PCDHA3: variants seen among roughly 807,000 people sequenced by gnomAD.
PCDHA3 encodes protocadherin alpha 3.
In PCDHA3, 41 loss-of-function variants were observed where a neutral mutation model predicts 62.2. That is an observed-to-expected ratio of 0.66 (90% CI 0.51 to 0.86). The LOEUF is 0.86. PCDHA3 is among the 40% of genes least tolerant of loss of function. PCDHA3 has a pLI of 0.00. For synonymous variants in PCDHA3, 640 were observed against 555.4 expected, an observed-to-expected ratio of 1.15 and a Z score of -2.14; for missense variants, 1,304 against 1,241.2, an observed-to-expected ratio of 1.05 and a Z score of -0.76.
intron 1 of PCDHA3, among the ~76,000 whole-genome samples, chr5:140,898,789 C>T (rs1424905656): frequency 6.6e-6 from 1 of 152,162 alleles, no homozygotes; most frequent in Non-Finnish European, 1.5e-5. Context: ...GCAGTATGGC[C>T]ATTTTCACGA....
At chr5:140,996,968 C>G (rs1290343779) in intron 3 of PCDHA3, among the ~76,000 whole-genome samples, 1 of 152,132 alleles carries the variant, frequency 6.6e-6, no homozygotes, top group Non-Finnish European at 1.5e-5. Context: ...CAATCCCACT[C>G]CCCTTTGGTG....
intron 1 of PCDHA3, among the ~76,000 whole-genome samples, chr5:140,960,371 T>A (rs2095543916): frequency 6.6e-6 from 1 of 152,196 alleles, no homozygotes; most frequent in Non-Finnish European, 1.5e-5. Context: ...TGCCAACTCT[T>A]AAGTGCCAAG....
At chr5:140,883,615 C>A in intron 1 of PCDHA3, 2 of 1,613,938 alleles carry the variant, frequency 1.2e-6, no homozygotes, top group East Asian at 2.2e-5. Flanking sequence ...CCGACGTGAA[C>A]GACAACGCGC....
intron 1 of PCDHA3, chr5:140,824,611 T>TG (rs1768217259): frequency 5.0e-5 from 1 of 19,836 alleles, no homozygotes; most frequent in Non-Finnish European, 1.2e-4. Context: ...CTAATTAAAG[T>TG]TTTTTTTTTT....
chr5:140,843,064 G>T (rs2150351494), intron 1 of PCDHA3: 2 of 1,595,268 alleles, frequency 1.3e-6, no homozygotes, highest in Non-Finnish European at 1.7e-6. Context: ...GCAAGCTGGT[G>T]CCGCGGTCTG....
In PCDHA3 at chr5:140,851,944, C is replaced by G; in HGVS notation, c.2394+48353C>G. The G allele has an allele frequency of 1.7e-5, 16 of 969,410 alleles. 1 individual carries two copies. Among genetic ancestry groups the G allele is most frequent in the Non-Finnish European group, 2.0e-5 (16 of 802,504 alleles). The allele number at this position is 969,410 out of a possible 1,614,324, so 60.1% of individuals were successfully genotyped here. A position where few individuals can be genotyped will look rare whatever the true frequency, so the allele number is the denominator to read the frequency against. On this transcript the variant is annotated intron_variant, in intron 1 of 3. Transcript: ENST00000522353. ...ATGTTTCCTGAATTGTAGTATGTGA[C>G]TTTCAAAATGGTGGTTTTCCACACT...
chr5:140,895,968 G>T lies in PCDHA3; in HGVS notation c.2395-82981G>T, dbSNP rs190056652. 4.1e-3 allele frequency among the ~76,000 whole-genome samples: 628 copies of T among 152,052 alleles called. 2 individuals are homozygous for T. Among genetic ancestry groups the T allele is most frequent in the Middle Eastern group, 6.8e-3 (2 of 294 alleles). On this transcript the variant is annotated intron_variant, in intron 1 of 3. Coordinates refer to ENST00000522353, the MANE Select transcript of PCDHA3 (RefSeq NM_018906.3). ...TGGGATTACAGGTGCCTGTCACCAG[G>T]CCTAGCTAATTTTTGTATTTTAAGT... is the stretch of plus-strand genomic sequence containing the variant.
intron 1 of PCDHA3, chr5:140,858,217 G>A: frequency 1.3e-6 from 2 of 1,595,954 alleles, no homozygotes; most frequent in Non-Finnish European, 1.7e-6. Flanking sequence ...GGTGCTCGGC[G>A]GCGCCCACCG....
Position 140,829,875 on chromosome 5 carries a change from G to A in PCDHA3, c.2394+26284G>A, listed in dbSNP as rs2150176769. 2.5e-6 allele frequency: 4 copies of A among 1,613,828 alleles called. No homozygotes were observed. Among genetic ancestry groups the A allele is most frequent in the Admixed American group, 3.3e-5 (2 of 59,996 alleles). On this transcript the variant is annotated intron_variant, in intron 1 of 3. Transcript: ENST00000522353. ...GCAGGCCAAGTGGTGGCGAAGGTGC[G>A]CGCAGTTGACGCCGACTCAGGCTAC...
At chr5:140,984,295 A>C (rs1195087908) in intron 3 of PCDHA3, among the ~76,000 whole-genome samples, 3 of 152,208 alleles carry the variant, frequency 2.0e-5, no homozygotes, top group African/African-American at 7.2e-5. Flanking sequence ...CCCATTGGTG[A>C]TGCTGGTTGG....
intron 1 of PCDHA3, chr5:140,926,972 C>G (rs782504064): frequency 1.3e-5 from 21 of 1,609,464 alleles, no homozygotes; most frequent in Non-Finnish European, 1.7e-5. Context: ...TACTCAGTGC[C>G]GGAGGAGACG....
chr5:140,955,501 A>G (rs1479045859), intron 1 of PCDHA3, among the ~76,000 whole-genome samples: 5 of 152,114 alleles, frequency 3.3e-5, no homozygotes, highest in African/African-American at 1.2e-4. Context: ...CATGTGAAGA[A>G]AGACGTGTTT....
intron 1 of PCDHA3, among the ~76,000 whole-genome samples, chr5:140,971,869 A>G (rs1277835883): frequency 1.3e-5 from 2 of 152,182 alleles, no homozygotes; most frequent in Non-Finnish European, 2.9e-5. Flanking sequence ...AACATCTAGC[A>G]TATGAGGAAA....
chr5:140,874,500 C>T (rs1241228989), intron 1 of PCDHA3, among the ~76,000 whole-genome samples: 1 of 152,220 alleles, frequency 6.6e-6, no homozygotes, highest in African/African-American at 2.4e-5. Context: ...ATCAAGTTCA[C>T]ATTCTCTTGA....
intron 1 of PCDHA3, among the ~76,000 whole-genome samples, chr5:140,973,634 C>T (rs2096596343): frequency 6.6e-6 from 1 of 152,220 alleles, no homozygotes; most frequent in African/African-American, 2.4e-5. Flanking sequence ...ATCTTGTACA[C>T]ATTCTGACTG....
At chr5:140,953,551 T>C (rs565115779) in intron 1 of PCDHA3, among the ~76,000 whole-genome samples, 1 of 152,240 alleles carries the variant, frequency 6.6e-6, no homozygotes, top group East Asian at 1.9e-4. Flanking sequence ...GATTCTTTTC[T>C]CCAAGTTTTA....
intron 1 of PCDHA3, among the ~76,000 whole-genome samples, chr5:140,953,847 A>G (rs1165540937): frequency 6.6e-6 from 1 of 152,200 alleles, no homozygotes. Flanking sequence ...CCAGGTAAAC[A>G]TGTGCCATGG....
chr5:140,934,912 T>C (rs534779508), intron 1 of PCDHA3, among the ~76,000 whole-genome samples: 1 of 152,318 alleles, frequency 6.6e-6, no homozygotes, highest in Admixed American at 6.5e-5. Context: ...GGAATAATTA[T>C]GGATTCACAT....
chr5:140,928,790 G>GGGT, intron 1 of PCDHA3: 2 of 1,614,176 alleles, frequency 1.2e-6, no homozygotes, highest in Non-Finnish European at 1.7e-6. Context: ...GTTAAGCAGA[G>GGGT]GGTGGTGGTA....
Sources: gnomAD v4.1 joint callset for allele counts (sites outside exome capture counted in the v4.1 genomes callset) on GRCh38, gnomAD v4.1.1 for gene constraint, MANE v1.5 for transcripts, NCBI Gene and HGNC (gene_info 2026-07-23, HGNC 2026-07-21) for gene names.